The following YY1 variants were observed in gnomAD, a reference collection of about 807,000 sequenced individuals.
YY1 encodes the protein transcriptional repressor protein YY1.
Under a neutral mutation model 35.6 loss-of-function variants are expected in YY1, and 2 were observed. The observed-to-expected ratio is 0.06, with a 90% confidence interval of 0.02 to 0.18. YY1 has a LOEUF of 0.18. Ranked by LOEUF, YY1 falls within the 10% of genes least tolerant of loss-of-function variation. The probability of loss-of-function intolerance (pLI) is 1.00; values close to 1 mark genes in which losing one functional copy is unlikely to be tolerated. For missense variants in YY1, 322 were observed against 573.4 expected (o/e 0.56, Z 4.48); for synonymous variants, 268 against 238.9 (o/e 1.12, Z -1.12).
intron 2 of YY1, among the ~76,000 whole-genome samples, chr14:100,271,016 C>T (rs1242771422): frequency 2.0e-5 from 3 of 151,842 alleles, no homozygotes; most frequent in East Asian, 1.9e-4. Context: ...GAGGCCAAGG[C>T]AGGCGGATCA....
At chr14:100,240,190 G>C (rs1890708958) in intron 1 of YY1, among the ~76,000 whole-genome samples, 1 of 145,316 alleles carries the variant, frequency 6.9e-6, no homozygotes, top group Non-Finnish European at 1.5e-5. Context: ...GCGCCGCGCG[G>C]GGCGGAGACG....
chr14:100,244,208 G>A (rs771595317), intron 1 of YY1, among the ~76,000 whole-genome samples: 7 of 151,730 alleles, frequency 4.6e-5, no homozygotes, highest in Non-Finnish European at 8.8e-5. Context: ...CACAGTAAGA[G>A]CACTCTGGTG....
In YY1 at chr14:100,276,234, G is replaced by A; in HGVS notation, c.904-256G>A. The A allele has an allele frequency of 2.1e-6, 1 of 487,258 alleles. No individual in the cohort carries two copies. Among genetic ancestry groups the A allele is most frequent in the Non-Finnish European group, 3.7e-6 (1 of 270,850 alleles). The allele number at this position is 487,258 out of a possible 1,614,324, so 30.2% of individuals were successfully genotyped here. ...GCTACTACTAGTAGTGTGACCTTGG[G>A]CAAGTCTACTTAAAGACATCTCTAA... On this transcript the variant is annotated intron_variant, in intron 3 of 4. Transcript: ENST00000262238. The surrounding 1 kb of genome is among the most constrained non-coding windows in gnomAD (Gnocchi z 4.1).
intron 1 of YY1, among the ~76,000 whole-genome samples, chr14:100,246,012 C>G (rs961595995): frequency 1.3e-5 from 2 of 152,178 alleles, no homozygotes; most frequent in African/African-American, 2.4e-5. Context: ...ACATTTAGTT[C>G]AGAGAGAAAT....
chr14:100,272,153 G>A (rs1399700418), intron 2 of YY1, among the ~76,000 whole-genome samples: 7 of 151,908 alleles, frequency 4.6e-5, no homozygotes, highest in South Asian at 2.1e-4. Flanking sequence ...AAAATTAGCC[G>A]GGCATGGTGG....
intron 1 of YY1, among the ~76,000 whole-genome samples, chr14:100,241,866 C>A (rs1338996019): frequency 1.3e-5 from 2 of 148,620 alleles, no homozygotes; most frequent in Non-Finnish European, 3.0e-5. Flanking sequence ...CCCAGCTACT[C>A]GGGAGGCTGA....
intron 1 of YY1, among the ~76,000 whole-genome samples, chr14:100,260,446 T>TATACACAC (rs147681029): frequency 2.9e-5 from 4 of 139,374 alleles, no homozygotes; most frequent in African/African-American, 1.1e-4. Context: ...TATATATATA[T>TATACACAC]ACACACACAC....
In YY1 at chr14:100,280,672, C is replaced by G. The variant is rs906554451; in HGVS notation, c.*3072C>G. ...TGTCACTTATTTTGCTAAATAAGAC[C>G]CTTTCACAGGATAGTGTGCGCAATA... On this transcript the variant is annotated 3_prime_UTR_variant, in exon 5 of 5. Transcript: ENST00000262238. The G allele has an allele frequency of 6.6e-6, 1 of 151,794 alleles. No homozygotes were observed. Among genetic ancestry groups the G allele is most frequent in the African/African-American group, 2.4e-5 (1 of 41,314 alleles). The allele number at this position is 151,794 out of a possible 1,614,324, so 9.4% of individuals were successfully genotyped here.
rs1891332604 is a variant in YY1, at chr14:100,277,112, A to C, written c.1063-306A>C. The C allele has an allele frequency of 6.2e-6, 3 of 487,272 alleles. No individual in the cohort carries two copies. The highest frequency in any genetic ancestry group is 1.1e-5 in the Non-Finnish European group (3 of 268,642). The allele number at this position is 487,272 out of a possible 1,614,324, so 30.2% of individuals were successfully genotyped here. ...GTTCTTTTTTGACAACTGACACCAGAACCCTTAATCATTTGTATTTTACTG... is the reference window on the plus strand; with the variant it reads ...GTTCTTTTTTGACAACTGACACCAGCACCCTTAATCATTTGTATTTTACTG... On this transcript the variant is annotated intron_variant, in intron 4 of 4. Coordinates refer to ENST00000262238, the MANE Select transcript of YY1 (RefSeq NM_003403.5). This position sits in a 1 kb window ranked among gnomAD's most constrained non-coding sequence, Gnocchi z 5.6.
intron 2 of YY1, among the ~76,000 whole-genome samples, chr14:100,266,961 G>C (rs1891164811): frequency 6.6e-6 from 1 of 152,178 alleles, no homozygotes; most frequent in Non-Finnish European, 1.5e-5. Context: ...ATTTCCTAGT[G>C]CACGACAACC....
rs1891424259 is a variant in YY1 at position 100,281,222 on chromosome 14, TATTTA to T, written c.*3626_*3630del. On this transcript the variant is annotated 3_prime_UTR_variant, in exon 5 of 5. Transcript: ENST00000262238. ...GAAATTCATGTTGTTGATCTTTAAT[TATTTA>T]ATTATTCTTTAATAATCCTTCTATT... The T allele has an allele frequency of 6.6e-6, 1 of 151,922 alleles. No homozygotes were observed. Among genetic ancestry groups the T allele is most frequent in the African/African-American group, 2.4e-5 (1 of 41,336 alleles). The allele number at this position is 151,922 out of a possible 1,614,324, so 9.4% of individuals were successfully genotyped here.
At chr14:100,272,623 A>G (rs927713622) in intron 2 of YY1, among the ~76,000 whole-genome samples, 43 of 151,084 alleles carry the variant, frequency 2.8e-4, no homozygotes, top group African/African-American at 1.0e-3. Context: ...GCTTTTAAGG[A>G]TTCACTTAGG....
At position 100,248,928 on chromosome 14, in the gene YY1, C is replaced by T. The variant is rs181150364; in HGVS notation, c.679+9005C>T. The stretch of plus-strand genomic sequence containing the variant: ...GGTCTTGATCTCCTGACCTCATGAT[C>T]GGCCCGCCTTGGTCTCCCAAAGTGC... On this transcript the variant is annotated intron_variant, in intron 1 of 4. Transcript: ENST00000262238. Among the ~76,000 whole-genome samples, 44 of 151,664 alleles carry T rather than the reference C, an allele frequency of 2.9e-4. No homozygotes were observed. The East Asian group carries it at 7.8e-3, about 27-fold the overall frequency.
rs1452399267 is a variant in YY1, at chr14:100,277,880, G to A, written c.*280G>A. The A allele has an allele frequency of 1.5e-5, 6 of 406,972 alleles. No individual in the cohort carries two copies. The highest frequency in any genetic ancestry group is 8.1e-5 in the African/African-American group (4 of 49,358). 25.2% of individuals were successfully genotyped at this position (406,972 alleles called of 1,614,324 possible). On this transcript the variant is annotated 3_prime_UTR_variant, in exon 5 of 5. Coordinates refer to ENST00000262238, the MANE Select transcript of YY1 (RefSeq NM_003403.5). This position sits in a 1 kb window ranked among gnomAD's most constrained non-coding sequence, Gnocchi z 5.6. ...AACAGGAGGACAATTCATGAACTTC[G>A]CATCAAAAGACAATTCTTTATACAA...
chr14:100,271,911 C>T (rs779675393), intron 2 of YY1, among the ~76,000 whole-genome samples: 3 of 151,894 alleles, frequency 2.0e-5, no homozygotes, highest in Non-Finnish European at 4.4e-5. Flanking sequence ...TCACTGTGAC[C>T]CTATCACACG....
rs1261354473 is a variant in YY1, at chr14:100,276,474, C to CT, written c.904-13dup. 6.8e-6 allele frequency: 11 copies of CT among 1,614,182 alleles called. 1 individual carries two copies. In the Middle Eastern group the frequency reaches 1.5e-3, roughly 218 times the overall value. ...GTTTGCAATGTGAACTTCTAAGCTG[C>CT]TTTCTCTGTTTTAAGGGCTGCACAA... On this transcript the variant is annotated splice_polypyrimidine_tract_variant and intron_variant, in intron 3 of 4. Transcript: ENST00000262238. This position sits in a 1 kb window ranked among gnomAD's most constrained non-coding sequence, Gnocchi z 4.1.
At position 100,274,695 on chromosome 14, in the gene YY1, A is replaced by G; in HGVS notation, c.843-3A>G. 6.2e-7 allele frequency: 1 copy of G among 1,613,412 alleles called. No individual in the cohort carries two copies. Among genetic ancestry groups the G allele is most frequent in the Non-Finnish European group, 8.5e-7 (1 of 1,179,372 alleles). Reference sequence around the variant, plus strand: ...TGTCTGTCTCTCTTTTTCTTTTGATAAGAATGAAGCCAAGAAAAATTAAAG... The same window carrying G: ...TGTCTGTCTCTCTTTTTCTTTTGATGAGAATGAAGCCAAGAAAAATTAAAG... On this transcript the variant is annotated splice_polypyrimidine_tract_variant and splice_region_variant and intron_variant, in intron 2 of 4. Coordinates refer to ENST00000262238, the MANE Select transcript of YY1 (RefSeq NM_003403.5).
intron 2 of YY1, among the ~76,000 whole-genome samples, chr14:100,268,138 C>T (rs903724340): frequency 7.2e-5 from 11 of 152,214 alleles, no homozygotes; most frequent in Admixed American, 3.9e-4. Context: ...GCATTAGAGC[C>T]GCAGCTGTTG....
chr14:100,267,677 C>T (rs960612714), intron 2 of YY1, among the ~76,000 whole-genome samples: 8 of 152,172 alleles, frequency 5.3e-5, no homozygotes, highest in African/African-American at 9.7e-5. Context: ...GTGCCCGCCA[C>T]TACGCCCGGC....
Sources: gnomAD v4.1 joint callset for allele counts (sites outside exome capture counted in the v4.1 genomes callset) on GRCh38, gnomAD v4.1.1 for gene constraint, Gnocchi (gnomAD v3.1) non-coding constraint, MANE v1.5 for transcripts, NCBI Gene and HGNC (gene_info 2026-07-23, HGNC 2026-07-21) for gene names.